Variants in CPED1 observed in about 807,000 individuals in gnomAD.
CPED1 encodes the protein cadherin-like and PC-esterase domain-containing protein 1.
A neutral mutation model predicts 128.2 loss-of-function variants in CPED1; 114 were observed. That is an observed-to-expected ratio of 0.89 (90% CI 0.76 to 1.04). The LOEUF (loss-of-function observed/expected upper bound fraction) is 1.04, where lower values mean the gene tolerates loss of function less well. Ranked by LOEUF, CPED1 falls within the 50% of genes least tolerant of loss-of-function variation. CPED1 has a pLI of 0.00. For missense variants in CPED1, 1,211 were observed against 1,207.1 expected (o/e 1.00, Z -0.05); for synonymous variants, 462 against 426.7 (o/e 1.08, Z -1.02).
intron 2 of CPED1, among the ~76,000 whole-genome samples, chr7:121,014,561 ATAAT>A (rs1220807555): frequency 8.0e-5 from 10 of 125,736 alleles, no homozygotes; most frequent in Non-Finnish European, 1.3e-4. Context: ...AAAAAAAAAA[ATAAT>A]AATAATAATA....
intron 2 of CPED1, among the ~76,000 whole-genome samples, chr7:120,995,811 G>T (rs74483598): frequency 6.6e-6 from 1 of 152,086 alleles, no homozygotes; most frequent in East Asian, 1.9e-4. Context: ...GCCACTGAGC[G>T]ACATGGCGAG....
intron 22 of CPED1, among the ~76,000 whole-genome samples, chr7:121,273,264 T>A (rs798909): frequency 0.075 from 11,412 of 152,048 alleles, 531 homozygotes; most frequent in African/African-American, 0.089. Flanking sequence ...AGCTCACACC[T>A]GTAATCTCAG....
chr7:121,091,638 G>A (rs940486566), intron 5 of CPED1, among the ~76,000 whole-genome samples: 1 of 152,130 alleles, frequency 6.6e-6, no homozygotes, highest in African/African-American at 2.4e-5. Flanking sequence ...GTCAAAGGCT[G>A]TGCAAAGCAC....
intron 4 of CPED1, among the ~76,000 whole-genome samples, chr7:121,060,567 G>A (rs1793633902): frequency 6.6e-6 from 1 of 152,228 alleles, no homozygotes; most frequent in African/African-American, 2.4e-5. Context: ...AGCTATTCTG[G>A]AGGGGCCTTG....
chr7:121,082,312 G>A lies in CPED1; in HGVS notation c.617-15387G>A, dbSNP rs1302378485. ...ATATTACTCTGGATATCCATGGATT[G>A]ATTTGCAGAAAGCAATTGAATGAGG... On this transcript the variant is annotated intron_variant, in intron 5 of 22. Transcript: ENST00000310396. 3.3e-5 allele frequency among the ~76,000 whole-genome samples: 5 copies of A among 152,256 alleles called. No individual in the cohort carries two copies. In the East Asian group the frequency reaches 9.6e-4, roughly 29 times the overall value.
At chr7:121,160,106 G>T (rs1183072430) in intron 16 of CPED1, among the ~76,000 whole-genome samples, 2 of 150,784 alleles carry the variant, frequency 1.3e-5, no homozygotes, top group Non-Finnish European at 3.0e-5. Context: ...TCACCAAATT[G>T]TTTTTTTTTA....
intron 21 of CPED1, 64 bp from the exon 22 acceptor site, chr7:121,271,220 A>C: frequency 7.4e-7 from 1 of 1,346,060 alleles, no homozygotes; most frequent in Admixed American, 1.9e-5. Context: ...TTTCCACCTA[A>C]CTTATTGAAT....
chr7:121,118,906 C>T (rs798944), intron 7 of CPED1, among the ~76,000 whole-genome samples: 136,520 of 152,176 alleles, frequency 0.9, 61,279 homozygotes, highest in Middle Eastern at 0.99. Flanking sequence ...CACCAAGCCA[C>T]GAGGGATCCG....
At chr7:121,059,559 C>T (rs1381034889) in intron 4 of CPED1, among the ~76,000 whole-genome samples, 1 of 152,110 alleles carries the variant, frequency 6.6e-6, no homozygotes, top group Non-Finnish European at 1.5e-5. Context: ...AGTTTCTTCC[C>T]CCTCCAGTGT....
intron 22 of CPED1, among the ~76,000 whole-genome samples, chr7:121,287,131 C>A (rs1468338799): frequency 1.3e-5 from 2 of 152,172 alleles, no homozygotes; most frequent in Non-Finnish European, 2.9e-5. Flanking sequence ...ATGGAGATTA[C>A]AATTCAAGAT....
At chr7:121,033,237 G>A (rs1585029535) in intron 3 of CPED1, among the ~76,000 whole-genome samples, 1 of 152,174 alleles carries the variant, frequency 6.6e-6, no homozygotes, top group East Asian at 1.9e-4. Context: ...AGGAATGCCT[G>A]CTGAAGAAAC....
At chr7:120,990,794 G>A (rs888171625) in intron 2 of CPED1, among the ~76,000 whole-genome samples, 14 of 152,284 alleles carry the variant, frequency 9.2e-5, no homozygotes, top group South Asian at 2.1e-4. Context: ...GCCGGTTACC[G>A]TTTGAAGTAG....
chr7:121,115,380 A>C (rs1189413585), intron 7 of CPED1, among the ~76,000 whole-genome samples: 9 of 152,148 alleles, frequency 5.9e-5, no homozygotes, highest in Non-Finnish European at 4.4e-5. Context: ...GATTCAAAAG[A>C]CTTTACAGCC....
intron 22 of CPED1, 31 bp downstream of exon 22, chr7:121,271,461 C>G: frequency 6.3e-7 from 1 of 1,586,428 alleles, no homozygotes; most frequent in Non-Finnish European, 8.6e-7. Flanking sequence ...AGTTTTATAG[C>G]TTTTGATCTT....
intron 16 of CPED1, among the ~76,000 whole-genome samples, chr7:121,162,098 C>T (rs577570793): frequency 6.6e-6 from 1 of 152,164 alleles, no homozygotes; most frequent in East Asian, 1.9e-4. Flanking sequence ...GGACTTAAGT[C>T]CATAAAGTGT....
In CPED1 at chr7:121,256,124, C is replaced by CA. The variant is rs1333114209; in HGVS notation, c.2311-10099dup. 2.9e-3 allele frequency among the ~76,000 whole-genome samples: 130 copies of CA among 45,322 alleles called. 3 individuals are homozygous for CA. The East Asian group carries it at 0.088, about 31-fold the overall frequency. 29.7% of individuals were successfully genotyped at this position (45,322 alleles called of 152,430 possible). On this transcript the variant is annotated intron_variant, in intron 18 of 22. Coordinates refer to ENST00000310396, the MANE Select transcript of CPED1 (RefSeq NM_024913.5). The stretch of plus-strand genomic sequence containing the variant: ...AGCAATCCTAAGCAAAAAAAAAAAA[C>CA]AAAACAAAAAAAAAAAACAAAGCTT...
chr7:121,087,320 C>T (rs1283345069), intron 5 of CPED1, among the ~76,000 whole-genome samples: 7 of 152,164 alleles, frequency 4.6e-5, no homozygotes, highest in Non-Finnish European at 8.8e-5. Flanking sequence ...TCCTGCCCAA[C>T]ATCTCTCTTC....
intron 16 of CPED1, among the ~76,000 whole-genome samples, chr7:121,195,304 A>T (rs1584587050): frequency 6.6e-6 from 1 of 152,128 alleles, no homozygotes; most frequent in African/African-American, 2.4e-5. Flanking sequence ...AGATAGTTTT[A>T]AAATATTTTT....
At chr7:121,087,853 G>T (rs1442484138) in intron 5 of CPED1, among the ~76,000 whole-genome samples, 1 of 151,364 alleles carries the variant, frequency 6.6e-6, no homozygotes, top group Non-Finnish European at 1.5e-5. Context: ...GTAGAGACAG[G>T]GTTTCACCAT....
Sources: gnomAD v4.1 joint callset for allele counts (sites outside exome capture counted in the v4.1 genomes callset) on GRCh38, gnomAD v4.1.1 for gene constraint, MANE v1.5 for transcripts, NCBI Gene and HGNC (gene_info 2026-07-23, HGNC 2026-07-21) for gene names.